SLFN13: variants seen among roughly 807,000 people sequenced by gnomAD.
SLFN13 encodes the protein schlafen family member 13, also known as schlafen-13.
SLFN13 carries 43 observed loss-of-function variants against 50.6 expected under a neutral mutation model. The ratio of observed to expected loss-of-function variants is 0.85; its 90% CI spans 0.67 to 1.09. The LOEUF (loss-of-function observed/expected upper bound fraction) is 1.09, where lower values mean the gene tolerates loss of function less well. Ranked by LOEUF, SLFN13 falls within the 50% of genes least tolerant of loss-of-function variation. The pLI, the probability that SLFN13 is intolerant of heterozygous loss-of-function variation, is 0.00. For synonymous variants in SLFN13, 339 were observed against 386.5 expected, an observed-to-expected ratio of 0.88 and a Z score of 1.44; for missense variants, 881 against 1,071.1, an observed-to-expected ratio of 0.82 and a Z score of 2.48.
chr17:35,436,259 T>C lies in SLFN13; in HGVS notation c.*4336A>G, dbSNP rs1912642828. 1 of 152,124 alleles carries C rather than the reference T, an allele frequency of 6.6e-6. No individual in the cohort carries two copies. The highest frequency in any genetic ancestry group is 2.1e-4 in the South Asian group (1 of 4,834). The allele number at this position is 152,124 out of a possible 1,614,324, so 9.4% of individuals were successfully genotyped here. Reference sequence around the variant, plus strand: ...TGCTTGTTAGAACCTGCTGTGACAATGGTTACAGAATTTCTGCTTTGATCC... The same window carrying C: ...TGCTTGTTAGAACCTGCTGTGACAACGGTTACAGAATTTCTGCTTTGATCC... On this transcript the variant is annotated 3_prime_UTR_variant, in exon 6 of 6. Transcript: ENST00000285013.
intron 1 of SLFN13, among the ~76,000 whole-genome samples, chr17:35,447,870 G>A (rs1373366794): frequency 5.8e-5 from 3 of 51,596 alleles, no homozygotes; most frequent in Non-Finnish European, 1.1e-4. Flanking sequence ...CTGTTTTGTT[G>A]TTTTGTTTTG....
At position 35,437,017 on chromosome 17, in the gene SLFN13, C is replaced by T. The variant is rs1212750666; in HGVS notation, c.*3578G>A. The T allele has an allele frequency of 8.5e-5, 13 of 152,058 alleles. No homozygotes were observed. Among genetic ancestry groups the T allele is most frequent in the Admixed American group, 8.5e-4 (13 of 15,270 alleles). 9.4% of individuals were successfully genotyped at this position (152,058 alleles called of 1,614,324 possible). Reference sequence around the variant, plus strand: ...TAAATGTCCTTTTAGGAAACACCCACTGAAGTATTTAGTGGTAAATGGGAA... The same window carrying T: ...TAAATGTCCTTTTAGGAAACACCCATTGAAGTATTTAGTGGTAAATGGGAA... On this transcript the variant is annotated 3_prime_UTR_variant, in exon 6 of 6. Coordinates refer to ENST00000285013, the MANE Select transcript of SLFN13 (RefSeq NM_144682.6).
At position 35,445,618 on chromosome 17, in the gene SLFN13, G is replaced by A. The variant is rs371499952; in HGVS notation, c.63C>T (p.Val21=). ...TTTCTTCTCCCAGAGTCACTTCTCC[G>A]ACATCGATGACCAGGTCTGGGTAAG... ...YPSYPDLVID[V]GEVTLGEENR... is the part of the protein sequence containing the mutation. Residue 21 remains valine (V), a synonymous_variant, in exon 3 of 6, where the codon GTC becomes GTT. Coordinates refer to ENST00000285013, the MANE Select transcript of SLFN13 (RefSeq NM_144682.6). 45 of 1,613,998 alleles carry A rather than the reference G, an allele frequency of 2.8e-5. No homozygotes were observed. Among genetic ancestry groups the A allele is most frequent in the South Asian group, 5.5e-5 (5 of 91,086 alleles).
At position 35,447,766 on chromosome 17, in the gene SLFN13, C is replaced by T. The variant is rs1913290683; in HGVS notation, c.-160-352G>A. Among the ~76,000 whole-genome samples the T allele has an allele frequency of 2.0e-5, 3 of 152,216 alleles. No individual in the cohort carries two copies. The South Asian group carries it at 6.2e-4, about 31-fold the overall frequency. ...TCTCAGATAGCAGCTCTGTATTTTACAGACGTTGGGAGGGAGACATTTTTC... is the reference window on the plus strand; with the variant it reads ...TCTCAGATAGCAGCTCTGTATTTTATAGACGTTGGGAGGGAGACATTTTTC... On this transcript the variant is annotated intron_variant, in intron 1 of 5. Transcript: ENST00000285013.
At position 35,437,809 on chromosome 17, in the gene SLFN13, C is replaced by A. The variant is rs1912684326; in HGVS notation, c.*2786G>T. 1 of 151,988 alleles carries A rather than the reference C, an allele frequency of 6.6e-6. No individual in the cohort carries two copies. Among genetic ancestry groups the A allele is most frequent in the Admixed American group, 6.6e-5 (1 of 15,260 alleles). 9.4% of individuals were successfully genotyped at this position (151,988 alleles called of 1,614,324 possible). On this transcript the variant is annotated 3_prime_UTR_variant, in exon 6 of 6. Transcript: ENST00000285013. ...CTATGCTTGCAACTTTTCTATATGT[C>A]TGAACTAAAATAAAAGGCTAATTTA...
rs1186316519 is a variant in SLFN13 at position 35,440,703 on chromosome 17, C to T, written c.2586G>A (p.Arg862=). ...DSVRRFSGLE[R]SIVFGIHPRT... is the part of the protein sequence containing the mutation. Reference sequence around the variant, plus strand: ...TTGGATGGATCCCAAACACTATGCTCCTTTCCAGGCCTGAGAATCGCCGGA... The same window carrying T: ...TTGGATGGATCCCAAACACTATGCTTCTTTCCAGGCCTGAGAATCGCCGGA... The change falls in exon 6 of 6, where the codon AGG becomes AGA. Residue 862 remains arginine (R), a synonymous_variant. Transcript: ENST00000285013. 2 of 1,614,120 alleles carry T rather than the reference C, an allele frequency of 1.2e-6. No homozygotes were observed. Among genetic ancestry groups the T allele is most frequent in the Non-Finnish European group, 1.7e-6 (2 of 1,180,024 alleles).
rs1410064912 is a variant in SLFN13, at chr17:35,438,729, A to T, written c.*1866T>A. 1 of 152,172 alleles carries T rather than the reference A, an allele frequency of 6.6e-6. No individual in the cohort carries two copies. The highest frequency in any genetic ancestry group is 1.5e-5 in the Non-Finnish European group (1 of 68,026). 9.4% of individuals were successfully genotyped at this position (152,172 alleles called of 1,614,324 possible). On this transcript the variant is annotated 3_prime_UTR_variant, in exon 6 of 6. Coordinates refer to ENST00000285013, the MANE Select transcript of SLFN13 (RefSeq NM_144682.6). ...AGAAAGACTGGCAGAAAAGTTCAAA[A>T]CTTACAATATGGAGGGAAATCAGCC... is the stretch of plus-strand genomic sequence containing the variant.
rs761349819 is a variant in SLFN13, at chr17:35,444,943, A to C, written c.738T>G (p.Phe246Leu). ...AFANTEGGYL[F>L]IGVDDKSRKV... Reference sequence around the variant, plus strand: ...TCCTACTCTTATCATCCACTCCAATAAAAAGATAGCCTCCCTCAGTGTTTG... The same window carrying C: ...TCCTACTCTTATCATCCACTCCAATCAAAAGATAGCCTCCCTCAGTGTTTG... The change falls in exon 3 of 6, where the codon TTT becomes TTG. Residue 246 changes from phenylalanine to leucine, a missense_variant. This residue lies in a region of SLFN13 where 497 missense variants were observed against 518.3 expected (regional missense o/e 0.96). Coordinates refer to ENST00000285013, the MANE Select transcript of SLFN13 (RefSeq NM_144682.6). 4 of 1,614,192 alleles carry C rather than the reference A, an allele frequency of 2.5e-6. No individual in the cohort carries two copies. Among genetic ancestry groups the C allele is most frequent in the Non-Finnish European group, 3.4e-6 (4 of 1,180,032 alleles).
rs1440125007 is a variant in SLFN13 at position 35,445,414 on chromosome 17, A to G, written c.267T>C (p.Tyr89=). The part of the protein sequence containing the change: ...LEESLRKLIQ[Y]PYLQAFFETK... ...TCTCAAAGAAAGCCTGCAAATATGG[A>G]TACTGAATAAGCTTTCTCAAGGATT... Residue 89 remains tyrosine (Y), a synonymous_variant, in exon 3 of 6, where the codon TAT becomes TAC. Coordinates refer to ENST00000285013, the MANE Select transcript of SLFN13 (RefSeq NM_144682.6). 1 of 1,614,222 alleles carries G rather than the reference A, an allele frequency of 6.2e-7. No individual in the cohort carries two copies. Among genetic ancestry groups the G allele is most frequent in the African/African-American group, 1.3e-5 (1 of 75,054 alleles).
At position 35,437,181 on chromosome 17, in the gene SLFN13, C is replaced by T. The variant is rs904929755; in HGVS notation, c.*3414G>A. 1 of 152,140 alleles carries T rather than the reference C, an allele frequency of 6.6e-6. No homozygotes were observed. Among genetic ancestry groups the T allele is most frequent in the Admixed American group, 6.5e-5 (1 of 15,270 alleles). The allele number at this position is 152,140 out of a possible 1,614,324, so 9.4% of individuals were successfully genotyped here. On this transcript the variant is annotated 3_prime_UTR_variant, in exon 6 of 6. Coordinates refer to ENST00000285013, the MANE Select transcript of SLFN13 (RefSeq NM_144682.6). Reference sequence around the variant, plus strand: ...CTGACATTTAATAACTAATTTTAAACTTTTGATTGTTTTATTATTATTTTG... The same window carrying T: ...CTGACATTTAATAACTAATTTTAAATTTTTGATTGTTTTATTATTATTTTG...
In SLFN13 at chr17:35,444,982, G is replaced by T; in HGVS notation, c.699C>A (p.Tyr233Ter). The change falls in exon 3 of 6, where the codon TAC (tyrosine) becomes TAA (stop). Residue 233 changes from tyrosine (Y) to a stop codon, truncating the protein, a stop_gained. Transcript: ENST00000285013. LOFTEE classifies it high-confidence loss of function. ...QQYVENIIPE[Y>*]ISAFANTEGG... ...CCTCAGTGTTTGCAAATGCAGAGAT[G>T]TACTCTGGAATTATATTTTCTACAT... 6.2e-7 allele frequency: 1 copy of T among 1,614,108 alleles called. No homozygotes were observed. The highest frequency in any genetic ancestry group is 8.5e-7 in the Non-Finnish European group (1 of 1,180,008).
At chr17:35,442,358 TAA>T in intron 4 of SLFN13, 72 bp from the exon 5 acceptor site, 1 of 1,458,810 alleles carries the variant, frequency 6.9e-7, no homozygotes, top group Non-Finnish European at 9.1e-7. Context: ...ATGTTACATT[TAA>T]AAGACAGAGG....
At chr17:35,449,250 A>G (rs1397990423), upstream of SLFN13, among the ~76,000 whole-genome samples, 1 of 144,866 alleles carries the variant, frequency 6.9e-6, no homozygotes, top group Non-Finnish European at 1.5e-5. Context: ...CCCTACAAAA[A>G]AAAAAAAAAA....
intron 2 of SLFN13, chr17:35,446,702 T>C (rs1913233409): frequency 6.6e-6 from 1 of 150,554 alleles, no homozygotes; most frequent in Non-Finnish European, 1.5e-5. Flanking sequence ...GGAAGTAGCA[T>C]CATCAAGTGT....
In SLFN13 at chr17:35,441,186, A is replaced by G; in HGVS notation, c.2103T>C (p.Phe701=). 2 of 1,614,040 alleles carry G rather than the reference A, an allele frequency of 1.2e-6. No individual in the cohort carries two copies. Among genetic ancestry groups the G allele is most frequent in the Non-Finnish European group, 8.5e-7 (1 of 1,179,970 alleles). The change falls in exon 6 of 6, where the codon TTT becomes TTC. Residue 701 remains phenylalanine (F), a synonymous_variant. Coordinates refer to ENST00000285013, the MANE Select transcript of SLFN13 (RefSeq NM_144682.6). ...EKDCPGVLWI[F]LDYFQTSHLG... ...AGTGACTGGTCTGAAAGTAGTCCAGAAAGATCCAGAGAACTCCTGGACAAT... is the reference window on the plus strand; with the variant it reads ...AGTGACTGGTCTGAAAGTAGTCCAGGAAGATCCAGAGAACTCCTGGACAAT...
Position 35,441,749 on chromosome 17 carries a change from G to C in SLFN13, c.1736C>G (p.Ala579Gly). 1 of 1,535,816 alleles carries C rather than the reference G, an allele frequency of 6.5e-7. No individual in the cohort carries two copies. Among genetic ancestry groups the C allele is most frequent in the Non-Finnish European group, 8.8e-7 (1 of 1,135,596 alleles). The change falls in exon 5 of 6, where the codon GCC (alanine) becomes GGC (glycine). Residue 579 changes from alanine (A) to glycine (G), a missense_variant. This residue lies in a region of SLFN13 where 25 missense variants were observed against 64.4 expected (regional missense o/e 0.39). Coordinates refer to ENST00000285013, the MANE Select transcript of SLFN13 (RefSeq NM_144682.6). ...TCTGGAGAATATCTCATACTGCTGG[G>C]CTGTGAGCAGATTTAAAACCTCACA... The part of the protein sequence containing the change: ...LGCEVLNLLT[A>G]QQYEIFSRSL...
intron 1 of SLFN13, among the ~76,000 whole-genome samples, chr17:35,447,908 T>C (rs1913307354): frequency 6.6e-6 from 1 of 152,112 alleles, no homozygotes; most frequent in African/African-American, 2.4e-5. Flanking sequence ...TTTGATACAA[T>C]GTCTTCCTGT....
At chr17:35,448,037 G>T (rs981642161) in intron 1 of SLFN13, among the ~76,000 whole-genome samples, 2 of 117,138 alleles carry the variant, frequency 1.7e-5, no homozygotes, top group Non-Finnish European at 3.7e-5. Flanking sequence ...ATTAATATTA[G>T]TATTATATTA....
Position 35,440,331 on chromosome 17 carries a change from T to A in SLFN13, c.*264A>T. ...ACAGGTCTGCATTGTGCAGCACAGC[T>A]AAAGTTCCTTTAGAAAACCACCATC... On this transcript the variant is annotated 3_prime_UTR_variant, in exon 6 of 6. Transcript: ENST00000285013. 1.9e-6 allele frequency: 1 copy of A among 538,468 alleles called. No individual in the cohort carries two copies. The highest frequency in any genetic ancestry group is 2.3e-5 in the South Asian group (1 of 42,864). The allele number at this position is 538,468 out of a possible 1,614,324, so 33.4% of individuals were successfully genotyped here. A position where few individuals can be genotyped will look rare whatever the true frequency, so the allele number is the denominator to read the frequency against.
Sources: allele counts gnomAD v4.1 joint callset (sites outside exome capture counted in the v4.1 genomes callset), GRCh38; gene constraint gnomAD v4.1.1; regional missense constraint gnomAD v4.1.1; transcripts MANE v1.5; gene names NCBI Gene and HGNC (gene_info 2026-07-23, HGNC 2026-07-21).